DENND1A: variants seen among roughly 807,000 people sequenced by gnomAD.
The protein encoded by DENND1A is DENN domain-containing protein 1A.
A neutral mutation model predicts 113.7 loss-of-function variants in DENND1A; 51 were observed. The observed-to-expected ratio is 0.45, with a 90% confidence interval of 0.36 to 0.57. The LOEUF (loss-of-function observed/expected upper bound fraction) is 0.57, where lower values mean the gene tolerates loss of function less well. DENND1A is among the 20% of genes least tolerant of loss of function. The probability of loss-of-function intolerance (pLI) is 0.00; values close to 1 mark genes in which losing one functional copy is unlikely to be tolerated. For synonymous variants in DENND1A, 565 were observed against 570.8 expected (o/e 0.99, Z 0.14); for missense variants, 1,258 against 1,395.9 (o/e 0.90, Z 1.57).
At chr9:123,825,868 G>T (rs1410354990) in intron 2 of DENND1A, among the ~76,000 whole-genome samples, 2 of 152,344 alleles carry the variant, frequency 1.3e-5, no homozygotes, top group Non-Finnish European at 2.9e-5. Flanking sequence ...AGTGGCCAAA[G>T]AAATGTGAAT....
At chr9:123,788,894 T>C in intron 3 of DENND1A, among the ~76,000 whole-genome samples, 1 of 152,080 alleles carries the variant, frequency 6.6e-6, no homozygotes, top group East Asian at 1.9e-4. Context: ...AGATAGAATT[T>C]AAGAAAATTT....
At chr9:123,707,122 C>T (rs945342438) in intron 5 of DENND1A, among the ~76,000 whole-genome samples, 6 of 151,968 alleles carry the variant, frequency 3.9e-5, no homozygotes, top group Admixed American at 1.3e-4. Context: ...GGGCCGGGCG[C>T]GGTGGCTCAC....
chr9:123,496,098 C>A (rs2134103357), intron 13 of DENND1A, among the ~76,000 whole-genome samples: 1 of 152,318 alleles, frequency 6.6e-6, no homozygotes, highest in African/African-American at 2.4e-5. Context: ...AATTAATATA[C>A]CCGGCCTTCA....
chr9:123,768,162 C>T (rs1229132132), intron 4 of DENND1A, among the ~76,000 whole-genome samples: 1 of 152,130 alleles, frequency 6.6e-6, no homozygotes, highest in African/African-American at 2.4e-5. Flanking sequence ...CATCAACCTG[C>T]TACTGAAATA....
At chr9:123,433,650 TTTTTC>T (rs760513255) in intron 19 of DENND1A, among the ~76,000 whole-genome samples, 8 of 150,826 alleles carry the variant, frequency 5.3e-5, no homozygotes, top group Admixed American at 1.3e-4. Flanking sequence ...CTTTAAAGCT[TTTTTC>T]TTTTTTCTTT....
chr9:123,912,124 T>G (rs1439211625), intron 1 of DENND1A, among the ~76,000 whole-genome samples: 1 of 152,218 alleles, frequency 6.6e-6, no homozygotes, highest in Non-Finnish European at 1.5e-5. Flanking sequence ...TCAAGTGGTA[T>G]CCTTAAAATC....
chr9:123,462,305 T>C (rs2048590765), intron 13 of DENND1A, among the ~76,000 whole-genome samples: 1 of 152,272 alleles, frequency 6.6e-6, no homozygotes, highest in Non-Finnish European at 1.5e-5. Context: ...ACTCAAATTT[T>C]ACAGAGGAAT....
chr9:123,831,117 T>C (rs539941760), intron 2 of DENND1A, among the ~76,000 whole-genome samples: 3 of 152,300 alleles, frequency 2.0e-5, no homozygotes, highest in East Asian at 1.9e-4. Flanking sequence ...TGCTGGATAC[T>C]ACGTCAGGTT....
At chr9:123,402,424 ATTT>A in intron 21 of DENND1A, 1 of 492,992 alleles carries the variant, frequency 2.0e-6, no homozygotes, top group South Asian at 1.5e-5. Flanking sequence ...GCTCGAAATC[ATTT>A]TTTTTCCTTC....
At chr9:123,897,643 C>T (rs1242931123) in intron 1 of DENND1A, among the ~76,000 whole-genome samples, 1 of 152,160 alleles carries the variant, frequency 6.6e-6, no homozygotes, top group Non-Finnish European at 1.5e-5. Flanking sequence ...TGATTTTGAA[C>T]TCCAGGGCTC....
chr9:123,757,940 A>G, intron 4 of DENND1A, 118 bp from the exon 5 acceptor site: 2 of 1,253,356 alleles, frequency 1.6e-6, no homozygotes, highest in South Asian at 3.4e-5. Context: ...AACTCTTAAA[A>G]TTTACACATT....
chr9:123,403,127 C>T (rs927610844), intron 21 of DENND1A, among the ~76,000 whole-genome samples: 3 of 152,346 alleles, frequency 2.0e-5, no homozygotes, highest in East Asian at 3.9e-4. Context: ...AGGCCTAGGA[C>T]CTTCTTCTGA....
At chr9:123,494,711 A>C (rs572085347) in intron 13 of DENND1A, among the ~76,000 whole-genome samples, 37 of 152,260 alleles carry the variant, frequency 2.4e-4, no homozygotes, top group African/African-American at 6.7e-4. Flanking sequence ...CCCACCTTCT[A>C]ACTATTCAAT....
At chr9:123,905,408 T>C (rs1436001532) in intron 1 of DENND1A, among the ~76,000 whole-genome samples, 1 of 147,394 alleles carries the variant, frequency 6.8e-6, no homozygotes, top group Non-Finnish European at 1.5e-5. Context: ...AGACACAGAC[T>C]GGCAAATTGG....
rs1475487826 is a variant in DENND1A at position 123,538,831 on chromosome 9, T to C, written c.993+18739A>G. On this transcript the variant is annotated intron_variant, in intron 13 of 23. Transcript: ENST00000394215. ...ATACATATATATATATATATATATA[T>C]ATATATATATATATATATATATATA... is the stretch of plus-strand genomic sequence containing the variant. 1.5e-4 allele frequency among the ~76,000 whole-genome samples: 17 copies of C among 117,110 alleles called. 1 individual carries two copies. Among genetic ancestry groups the C allele is most frequent in the Admixed American group, 1.3e-3 (15 of 11,902 alleles). 76.8% of individuals were successfully genotyped at this position (117,110 alleles called of 152,430 possible). A position where few individuals can be genotyped will look rare whatever the true frequency, so the allele number is the denominator to read the frequency against.
chr9:123,448,952 G>C (rs754343817), intron 18 of DENND1A, among the ~76,000 whole-genome samples: 1 of 152,180 alleles, frequency 6.6e-6, no homozygotes, highest in Non-Finnish European at 1.5e-5. Flanking sequence ...TACGTTTGGG[G>C]GCATAGGGAT....
chr9:123,437,399 C>T (rs1378857818), intron 19 of DENND1A, among the ~76,000 whole-genome samples: 1 of 152,198 alleles, frequency 6.6e-6, no homozygotes, highest in Non-Finnish European at 1.5e-5. Context: ...TCAGAGGTCT[C>T]CATGGAGCTG....
At chr9:123,403,709 G>A (rs2043697608) in intron 20 of DENND1A, 2 of 560,988 alleles carry the variant, frequency 3.6e-6, no homozygotes, top group Admixed American at 3.0e-5. Flanking sequence ...AATCAGAAGG[G>A]TGCTCCTGGA....
chr9:123,443,373 C>G (rs2047069776), intron 18 of DENND1A, among the ~76,000 whole-genome samples: 2 of 152,238 alleles, frequency 1.3e-5, no homozygotes, highest in Non-Finnish European at 2.9e-5. Context: ...TCTGGGTTCT[C>G]TAACCTAGAG....
Sources: gnomAD v4.1 joint callset for allele counts (sites outside exome capture counted in the v4.1 genomes callset) on GRCh38, gnomAD v4.1.1 for gene constraint, MANE v1.5 for transcripts, NCBI Gene and HGNC (gene_info 2026-07-23, HGNC 2026-07-21) for gene names.